Variants in MOGS observed in about 807,000 individuals in gnomAD.
MOGS encodes epididymis secretory sperm binding protein.
Under a neutral mutation model 68.5 loss-of-function variants are expected in MOGS, and 45 were observed. The observed-to-expected ratio is 0.66, with a 90% CI of 0.52 to 0.84. The LOEUF (loss-of-function observed/expected upper bound fraction) is 0.84, where lower values mean the gene tolerates loss of function less well. MOGS is among the 40% of genes least tolerant of loss of function. The pLI is 0.00. For missense variants in MOGS, 1,020 were observed against 1,095.0 expected (o/e 0.93, Z 0.97); for synonymous variants, 492 against 461.2 (o/e 1.07, Z -0.86).
At chr2:74,463,910 G>A (rs1333672703) in intron 2 of MOGS, among the ~76,000 whole-genome samples, 2 of 150,950 alleles carry the variant, frequency 1.3e-5, no homozygotes, top group Admixed American at 6.6e-5. Context: ...TGATCCGCCC[G>A]CCTCAGCCTC....
chr2:74,461,802 G>C lies in MOGS; in HGVS notation c.1987C>G (p.Gln663Glu), dbSNP rs1671915545. The change falls in exon 4 of 4, where the codon CAG becomes GAG. Residue 663 changes from glutamine (Q) to glutamate (E), a missense_variant. This residue lies in a region of MOGS where 270 missense variants were observed against 261.3 expected (regional missense o/e 1.03). Transcript: ENST00000448666. ...CCCTGAGGGGGCCTGGGCTTCAGCT[G>C]TACTGCTTTTGTGTGGTTCCCAAAG... ...ADFGNHTKAV[Q>E]LKPRPPQGLV... is the part of the protein sequence containing the mutation. 1 of 1,614,220 alleles carries C rather than the reference G, an allele frequency of 6.2e-7. No homozygotes were observed. The highest frequency in any genetic ancestry group is 8.5e-7 in the Non-Finnish European group (1 of 1,180,040).
chr2:74,462,115 T>C lies in MOGS; in HGVS notation c.1674A>G (p.Leu558=), dbSNP rs774001859. Residue 558 remains leucine, a synonymous_variant, in exon 4 of 4, where the codon CTA becomes CTG. Transcript: ENST00000448666. ...GGTCCCGTCCCCGCCAGCGGTAAGA[T>C]AGTGGCAGTGGGCCTGCCTGGCTCT... ...LHQSQAGPLP[L]SYRWRGRDPA... The C allele has an allele frequency of 6.2e-7, 1 of 1,613,984 alleles. No individual in the cohort carries two copies. The highest frequency in any genetic ancestry group is 1.1e-5 in the South Asian group (1 of 91,080).
chr2:74,461,759 C>A lies in MOGS; in HGVS notation c.2030G>T (p.Gly677Val), dbSNP rs1388731853. 6.2e-7 allele frequency: 1 copy of A among 1,614,224 alleles called. No individual in the cohort carries two copies. Among genetic ancestry groups the A allele is most frequent in the Non-Finnish European group, 8.5e-7 (1 of 1,180,040 alleles). The change falls in exon 4 of 4, where the codon GGT (glycine) becomes GTT (valine). Residue 677 changes from glycine to valine, a missense_variant. Physicochemically the swap from Gly to Val is moderately radical, Grantham distance 109. Transcript: ENST00000448666. ...RPPQGLVRVV[G>V]RPQPQLQYVD... ...ATACTGCAGTTGAGGTTGGGGCCGA[C>A]CCACCACCCGAACGAGCCCCTGAGG...
intron 2 of MOGS, 88 bp from the exon 3 acceptor site, chr2:74,463,474 AAGGAAC>A (rs1671986610): frequency 7.3e-7 from 1 of 1,370,378 alleles, no homozygotes; most frequent in Non-Finnish European, 1.0e-6. Context: ...TAGTGAGGGA[AAGGAAC>A]AGTAGGCAGG....
In MOGS at chr2:74,462,033, G is replaced by GGTA. The variant is rs773930610; in HGVS notation, c.1753_1755dup (p.Tyr585dup). On this transcript the variant is annotated inframe_insertion, in exon 4 of 4. Transcript: ENST00000448666. ...GTTACTGAAGGGTGTGAAGCCCGGG[G>GGTA]GTAGTCATCCAGCCCAGAGGGTAGG... The GGTA allele has an allele frequency of 6.2e-7, 1 of 1,614,202 alleles. No homozygotes were observed. Among genetic ancestry groups the GGTA allele is most frequent in the Non-Finnish European group, 8.5e-7 (1 of 1,180,022 alleles).
At chr2:74,463,097 C>A in intron 3 of MOGS, 85 bp from the exon 4 acceptor site, 1 of 1,609,830 alleles carries the variant, frequency 6.2e-7, no homozygotes, top group South Asian at 1.1e-5. Flanking sequence ...GTTCAGGAGT[C>A]AGGTTGGGAG....
Position 74,462,280 on chromosome 2 carries a change from T to G in MOGS, c.1509A>C (p.Leu503=), listed in dbSNP as rs759481390. The change falls in exon 4 of 4, where the codon CTA becomes CTC. Residue 503 remains leucine (L), a synonymous_variant. Transcript: ENST00000448666. ...GGTTGGCGTGGACTGCTCGTTGTAC[T>G]AGGAATTCTGGAGGCACCCGGGCTC... ...EARARVPPEF[L]VQRAVHANPP... is the part of the protein sequence containing the mutation. 50 of 1,613,768 alleles carry G rather than the reference T, an allele frequency of 3.1e-5. No homozygotes were observed. Among genetic ancestry groups the G allele is most frequent in the Non-Finnish European group, 4.0e-5 (47 of 1,180,000 alleles).
chr2:74,461,912 T>C lies in MOGS; in HGVS notation c.1877A>G (p.Glu626Gly). The C allele has an allele frequency of 3.7e-6, 6 of 1,613,998 alleles. No homozygotes were observed. The highest frequency in any genetic ancestry group is 5.1e-6 in the Non-Finnish European group (6 of 1,180,004). ...EHLGEAEVAA[E>G]LGPLAASLEA... ...CAGTGAGGCAGCCAGTGGGCCCAGC[T>C]CAGCAGCTACCTCAGCCTCACCCAG... Residue 626 changes from glutamate (E) to glycine (G), a missense_variant, in exon 4 of 4, where the codon GAG becomes GGG. Coordinates refer to ENST00000448666, the MANE Select transcript of MOGS (RefSeq NM_006302.3).
At chr2:74,464,799 A>T in intron 1 of MOGS, 77 bp from the exon 2 acceptor site, 1 of 1,560,320 alleles carries the variant, frequency 6.4e-7, no homozygotes, top group South Asian at 1.2e-5. Context: ...CCTCTTCATA[A>T]CTCTCCTGAT....
Position 74,465,320 on chromosome 2 carries a change from G to T in MOGS, c.-73C>A. 1 of 1,140,976 alleles carries T rather than the reference G, an allele frequency of 8.8e-7. No individual in the cohort carries two copies. The highest frequency in any genetic ancestry group is 2.5e-5 in the South Asian group (1 of 40,276). 70.7% of individuals were successfully genotyped at this position (1,140,976 alleles called of 1,614,324 possible). A position where few individuals can be genotyped will look rare whatever the true frequency, so the allele number is the denominator to read the frequency against. Reference sequence around the variant, plus strand: ...AGCCCGGGTCCTGCCTCACCTCTCCGGCTCCCGCCTCTCGCCCTGGCGACC... The same window carrying T: ...AGCCCGGGTCCTGCCTCACCTCTCCTGCTCCCGCCTCTCGCCCTGGCGACC... On this transcript the variant is annotated 5_prime_UTR_variant, in exon 1 of 4. Transcript: ENST00000448666.
At position 74,461,784 on chromosome 2, in the gene MOGS, G is replaced by C. The variant is rs1671914915; in HGVS notation, c.2005C>G (p.Pro669Ala). The change falls in exon 4 of 4, where the codon CCT (proline) becomes GCT (alanine). Residue 669 changes from proline to alanine, a missense_variant. Pro to Ala is a conservative substitution (Grantham distance 27, BLOSUM62 -1). Around this residue, in one of 3 missense-constraint regions of MOGS, gnomAD observed 270 missense variants for 261.3 expected, o/e 1.03. Coordinates refer to ENST00000448666, the MANE Select transcript of MOGS (RefSeq NM_006302.3). ...TKAVQLKPRP[P>A]QGLVRVVGRP... ...CCCACCACCCGAACGAGCCCCTGAG[G>C]GGGCCTGGGCTTCAGCTGTACTGCT... 6.2e-7 allele frequency: 1 copy of C among 1,614,222 alleles called. No individual in the cohort carries two copies. The highest frequency in any genetic ancestry group is 2.2e-5 in the East Asian group (1 of 44,890).
chr2:74,463,570 G>C (rs1013338057), intron 2 of MOGS, 184 bp from the exon 3 acceptor site: 1 of 644,996 alleles, frequency 1.6e-6, no homozygotes, highest in African/African-American at 1.8e-5. Flanking sequence ...ATGAGATAAA[G>C]AGCCTTGCAC....
At chr2:74,464,086 A>G (rs1274670039) in intron 2 of MOGS, among the ~76,000 whole-genome samples, 1 of 151,592 alleles carries the variant, frequency 6.6e-6, no homozygotes, top group Admixed American at 6.6e-5. Flanking sequence ...CAGCCTCCCA[A>G]GTAGCTTGGA....
At position 74,462,167 on chromosome 2, in the gene MOGS, A is replaced by G; in HGVS notation, c.1622T>C (p.Leu541Pro). 1 of 1,614,146 alleles carries G rather than the reference A, an allele frequency of 6.2e-7. No homozygotes were observed. The highest frequency in any genetic ancestry group is 8.5e-7 in the Non-Finnish European group (1 of 1,179,962). Reference sequence around the variant, plus strand: ...ATGGAGCCAGGAAAACCAGGCATGCAGGCGGGGCAAGGCCTTTCGGAGGAA... The same window carrying G: ...ATGGAGCCAGGAAAACCAGGCATGCGGGCGGGGCAAGGCCTTTCGGAGGAA... ...LAFLRKALPR[L>P]HAWFSWLHQS... Residue 541 changes from leucine (L) to proline (P), a missense_variant, in exon 4 of 4, where the codon CTG (leucine) becomes CCG (proline). Physicochemically the swap from Leu to Pro is moderately conservative, Grantham distance 98 (BLOSUM62 -3). Coordinates refer to ENST00000448666, the MANE Select transcript of MOGS (RefSeq NM_006302.3).
At chr2:74,463,892 T>C (rs1380131921) in intron 2 of MOGS, among the ~76,000 whole-genome samples, 1 of 151,532 alleles carries the variant, frequency 6.6e-6, no homozygotes, top group African/African-American at 2.4e-5. Context: ...CTCCATCTCC[T>C]GACCTCATGA....
intron 2 of MOGS, among the ~76,000 whole-genome samples, chr2:74,463,817 C>T (rs1671996810): frequency 6.6e-6 from 1 of 151,908 alleles, no homozygotes; most frequent in Non-Finnish European, 1.5e-5. Flanking sequence ...GCGCCCGCCA[C>T]CACGCCCAGC....
chr2:74,465,243 GCCATC>G lies in MOGS; in HGVS notation c.-1_4del. The G allele has an allele frequency of 1.4e-6, 2 of 1,442,458 alleles. No homozygotes were observed. The highest frequency in any genetic ancestry group is 1.8e-6 in the Non-Finnish European group (2 of 1,113,592). The allele number at this position is 1,442,458 out of a possible 1,614,324, so 89.4% of individuals were successfully genotyped here. ...TGCGCGGCGCCGCCGCTCGCCCCGA[GCCATC>G]CTGGCACTGAGGTCCGCGTCACAAG... On this transcript the variant is annotated start_lost and 5_prime_UTR_variant, in exon 1 of 4. Transcript: ENST00000448666.
chr2:74,465,104 G>C lies in MOGS; in HGVS notation c.144C>G (p.Val48=), dbSNP rs746881433. 2 of 1,547,456 alleles carry C rather than the reference G, an allele frequency of 1.3e-6. No individual in the cohort carries two copies. The highest frequency in any genetic ancestry group is 2.4e-5 in the South Asian group (2 of 84,528). ...RSTAGGVALA[V]VVLSLALGMS... ...TACCCAGGGCCAAAGACAGGACCAC[G>C]ACGGCCAGAGCCACTCCTCCAGCCG... Residue 48 remains valine, a synonymous_variant, in exon 1 of 4, where the codon GTC becomes GTG. Transcript: ENST00000448666.
chr2:74,465,089 CA>C lies in MOGS; in HGVS notation c.158del (p.Leu53TrpfsTer55). 1 of 1,554,438 alleles carries C rather than the reference CA, an allele frequency of 6.4e-7. No homozygotes were observed. The highest frequency in any genetic ancestry group is 8.7e-7 in the Non-Finnish European group (1 of 1,151,732). ...GVALAVVVLS[L>X]ALGMSGRWVL... Reference sequence around the variant, plus strand: ...CCCAGCGCCCCGACATACCCAGGGCCAAAGACAGGACCACGACGGCCAGAGC... The same window carrying C: ...CCCAGCGCCCCGACATACCCAGGGCCAAGACAGGACCACGACGGCCAGAGC... On this transcript the variant is annotated frameshift_variant, in exon 1 of 4. Transcript: ENST00000448666. LOFTEE classifies it high-confidence loss of function.
Sources: gnomAD v4.1 joint callset for allele counts (sites outside exome capture counted in the v4.1 genomes callset) on GRCh38, gnomAD v4.1.1 for gene constraint, gnomAD v4.1.1 regional missense constraint, MANE v1.5 for transcripts, NCBI Gene and HGNC (gene_info 2026-07-23, HGNC 2026-07-21) for gene names.